OR10H1: variants seen among roughly 807,000 people sequenced by gnomAD.
OR10H1 encodes the protein olfactory receptor family 10 subfamily H member 1.
In OR10H1, 12 loss-of-function variants were observed where a neutral mutation model predicts 13.1. The observed-to-expected ratio is 0.92, with a 90% confidence interval of 0.59 to 1.48. The LOEUF is 1.48. Ranked by LOEUF, OR10H1 falls within the 40% of genes most tolerant of loss-of-function variation. The pLI, the probability that OR10H1 is intolerant of heterozygous loss-of-function variation, is 0.00. For missense variants in OR10H1, 363 were observed against 413.1 expected, an observed-to-expected ratio of 0.88 and a Z score of 1.05; for synonymous variants, 168 against 175.6, an observed-to-expected ratio of 0.96 and a Z score of 0.34.
At chr19:15,814,866 T>C (rs79520049) in intron 1 of OR10H1, among the ~76,000 whole-genome samples, 1,600 of 152,236 alleles carry the variant, frequency 0.011, 21 homozygotes, top group African/African-American at 0.036. Context: ...ATCCTCTTTC[T>C]CTCTTTTCTC....
At chr19:15,809,522 C>G (rs1342284927) in intron 2 of OR10H1, among the ~76,000 whole-genome samples, 2 of 151,834 alleles carry the variant, frequency 1.3e-5, no homozygotes, top group African/African-American at 2.4e-5. Context: ...GGAACTCCAC[C>G]CCTCAAGTCA....
Position 15,805,145 on chromosome 19 carries a change from G to A in OR10H1, c.*1936C>T, listed in dbSNP as rs1417632219. On this transcript the variant is annotated 3_prime_UTR_variant, in exon 4 of 4. Coordinates refer to ENST00000641419, the MANE Select transcript of OR10H1 (RefSeq NM_013940.4). ...TAGCCCTTTGTCAGATGAGTAGATTGCAAAAATTTTCTCCCATTCTGTAGG... is the reference window on the plus strand; with the variant it reads ...TAGCCCTTTGTCAGATGAGTAGATTACAAAAATTTTCTCCCATTCTGTAGG... The A allele has an allele frequency of 6.6e-6, 1 of 151,814 alleles. No individual in the cohort carries two copies. Among genetic ancestry groups the A allele is most frequent in the East Asian group, 1.9e-4 (1 of 5,154 alleles). The allele number at this position is 151,814 out of a possible 1,614,324, so 9.4% of individuals were successfully genotyped here. A position where few individuals can be genotyped will look rare whatever the true frequency, so the allele number is the denominator to read the frequency against.
Position 15,808,807 on chromosome 19 carries a change from G to T in OR10H1, c.-94C>A, listed in dbSNP as rs900859959. The T allele has an allele frequency of 6.6e-6, 1 of 151,890 alleles. No individual in the cohort carries two copies. The highest frequency in any genetic ancestry group is 1.5e-5 in the Non-Finnish European group (1 of 68,008). The allele number at this position is 151,890 out of a possible 1,614,324, so 9.4% of individuals were successfully genotyped here. On this transcript the variant is annotated 5_prime_UTR_variant, in exon 3 of 4. Transcript: ENST00000641419. ...GGAGGTTGCAGTAAGCCGAGATGGC[G>T]CCACTGGACTCCACCCTGGCGACAG...
In OR10H1 at chr19:15,807,799, C is replaced by T. The variant is rs61746479; in HGVS notation, c.239G>A (p.Arg80His). 8 of 1,606,252 alleles carry T rather than the reference C, an allele frequency of 5.0e-6. No individual in the cohort carries two copies. Among genetic ancestry groups the T allele is most frequent in the Admixed American group, 3.3e-5 (2 of 59,702 alleles). The change falls in exon 4 of 4, where the codon CGC (arginine) becomes CAC (histidine). Residue 80 changes from arginine (R) to histidine (H), a missense_variant. Transcript: ENST00000641419. ...GGTGGACAGCAGGTCGGCCAGCATG[C>T]GCGGGATGATGGCCACGGTGTAGAG... ...EILYTVAIIPRMLADLLSTQR... is the reference protein window; with the variant it reads ...EILYTVAIIPHMLADLLSTQR...
chr19:15,813,652 G>A (rs1187559849), intron 1 of OR10H1, among the ~76,000 whole-genome samples: 6 of 145,684 alleles, frequency 4.1e-5, no homozygotes, highest in Non-Finnish European at 7.6e-5. Flanking sequence ...AGAGAGAAGT[G>A]GGGAGATAGA....
At chr19:15,813,212 T>G (rs2144945387) in intron 1 of OR10H1, among the ~76,000 whole-genome samples, 1 of 151,808 alleles carries the variant, frequency 6.6e-6, no homozygotes, top group South Asian at 2.1e-4. Flanking sequence ...AGAGAGGGTA[T>G]ATGGAGATTC....
At chr19:15,808,228 A>C in intron 3 of OR10H1, 180 bp from the exon 4 acceptor site, 2 of 593,034 alleles carry the variant, frequency 3.4e-6, no homozygotes, top group Non-Finnish European at 5.9e-6. Context: ...TATTTTTTCA[A>C]CCCCCTTTTG....
chr19:15,815,106 C>T (rs956413367), intron 1 of OR10H1, among the ~76,000 whole-genome samples: 10 of 152,132 alleles, frequency 6.6e-5, no homozygotes, highest in Non-Finnish European at 1.2e-4. Flanking sequence ...TTTGGGAAGC[C>T]GAGGCGGGTG....
rs1361222533 is a variant in OR10H1 at position 15,806,709 on chromosome 19, GA to G, written c.*371del. On this transcript the variant is annotated 3_prime_UTR_variant, in exon 4 of 4. Coordinates refer to ENST00000641419, the MANE Select transcript of OR10H1 (RefSeq NM_013940.4). ...AAGTGTGAGCCACAGTGCTTGGCTG[GA>G]ACGTAATTTTCTTTTTTTCTTTCTT... 5.0e-6 allele frequency: 1 copy of G among 201,246 alleles called. No individual in the cohort carries two copies. Among genetic ancestry groups the G allele is most frequent in the East Asian group, 1.3e-4 (1 of 7,544 alleles). The allele number at this position is 201,246 out of a possible 1,614,324, so 12.5% of individuals were successfully genotyped here. A position where few individuals can be genotyped will look rare whatever the true frequency, so the allele number is the denominator to read the frequency against.
rs772886217 is a variant in OR10H1 at position 15,807,123 on chromosome 19, G to C, written c.915C>G (p.Thr305=). The C allele has an allele frequency of 8.1e-6, 13 of 1,613,886 alleles. No individual in the cohort carries two copies. The highest frequency in any genetic ancestry group is 1.7e-6 in the Non-Finnish European group (2 of 1,179,974). ...TTTCTGGGTAGAGTTTACTGAAGAA[G>C]GTCTTCTTCATGGCGACCTTCAGCT... The part of the protein sequence containing the change: ...NKELKVAMKK[T]FFSKLYPEKN... The change falls in exon 4 of 4, where the codon ACC becomes ACG. Residue 305 remains threonine (T), a synonymous_variant. Transcript: ENST00000641419.
rs2088893956 is a variant in OR10H1 at position 15,806,054 on chromosome 19, GC to G, written c.*1026del. The stretch of plus-strand genomic sequence containing the variant: ...CTCTCCTCTGCTATAATCTGGAGTA[GC>G]CTTACAAAATCTGAGTTGTAGCTAC... On this transcript the variant is annotated 3_prime_UTR_variant, in exon 4 of 4. Coordinates refer to ENST00000641419, the MANE Select transcript of OR10H1 (RefSeq NM_013940.4). 2 of 152,146 alleles carry G rather than the reference GC, an allele frequency of 1.3e-5. No homozygotes were observed. The highest frequency in any genetic ancestry group is 2.9e-5 in the Non-Finnish European group (2 of 68,036). The allele number at this position is 152,146 out of a possible 1,614,324, so 9.4% of individuals were successfully genotyped here.
rs1449869581 is a variant in OR10H1 at position 15,807,348 on chromosome 19, A to G, written c.690T>C (p.Pro230=). ...AGGCCTTGTTCCGACCTTCAGCAGA[A>G]GGGATCTTCAAGATGGCGGCCACGA... ...AFIVAAILKI[P]SAEGRNKAFS... The change falls in exon 4 of 4, where the codon CCT becomes CCC. Residue 230 remains proline (P), a synonymous_variant. Coordinates refer to ENST00000641419, the MANE Select transcript of OR10H1 (RefSeq NM_013940.4). 1.2e-6 allele frequency: 2 copies of G among 1,613,910 alleles called. No individual in the cohort carries two copies. Among genetic ancestry groups the G allele is most frequent in the Non-Finnish European group, 1.7e-6 (2 of 1,179,896 alleles).
chr19:15,809,772 A>G (rs2088922723), intron 2 of OR10H1, among the ~76,000 whole-genome samples: 1 of 152,150 alleles, frequency 6.6e-6, no homozygotes, highest in Non-Finnish European at 1.5e-5. Flanking sequence ...CTTTAATTTC[A>G]TGAGATTTCT....
At position 15,807,428 on chromosome 19, in the gene OR10H1, A is replaced by G. The variant is rs144349437; in HGVS notation, c.610T>C (p.Cys204Arg). ...AAACAGCCCAGCAGGGCCGTGATAC[A>G]CACCAAGCCCACGCCTTTGGCCACC... Reference protein sequence around the residue: ...LVVAKGVGLVCITALLGCFLL... With the variant: ...LVVAKGVGLVRITALLGCFLL... The change falls in exon 4 of 4, where the codon TGT (cysteine) becomes CGT (arginine). Residue 204 changes from cysteine to arginine, a missense_variant. Around this residue, in one of 3 missense-constraint regions of OR10H1, gnomAD observed 318 missense variants for 366.6 expected, o/e 0.87. Transcript: ENST00000641419. The G allele has an allele frequency of 6.4e-7, 1 of 1,569,140 alleles. No individual in the cohort carries two copies. The highest frequency in any genetic ancestry group is 8.8e-7 in the Non-Finnish European group (1 of 1,140,614).
rs1432929488 is a variant in OR10H1 at position 15,809,902 on chromosome 19, G to A, written c.-128-1061C>T. ...ATTATCATAGCTCACTGCAGCCTTC[G>A]GCTCCTGGGCTTAAGCGATCTTCCC... On this transcript the variant is annotated intron_variant, in intron 2 of 3. Coordinates refer to ENST00000641419, the MANE Select transcript of OR10H1 (RefSeq NM_013940.4). Among the ~76,000 whole-genome samples the A allele has an allele frequency of 6.6e-5, 10 of 151,804 alleles. No homozygotes were observed. In the East Asian group the frequency reaches 1.6e-3, roughly 24 times the overall value.
chr19:15,811,369 G>A (rs941925440), intron 2 of OR10H1, among the ~76,000 whole-genome samples: 3 of 152,034 alleles, frequency 2.0e-5, no homozygotes, highest in African/African-American at 7.2e-5. Flanking sequence ...CTCAACCTTG[G>A]GACTGTTGAT....
intron 1 of OR10H1, among the ~76,000 whole-genome samples, chr19:15,814,088 G>A (rs2088949907): frequency 6.6e-6 from 1 of 151,926 alleles, no homozygotes; most frequent in African/African-American, 2.4e-5. Flanking sequence ...GGACGCTAGG[G>A]GCGAATCATT....
In OR10H1 at chr19:15,804,931, A is replaced by G. The variant is rs368609479; in HGVS notation, c.*2150T>C. On this transcript the variant is annotated 3_prime_UTR_variant, in exon 4 of 4. Coordinates refer to ENST00000641419, the MANE Select transcript of OR10H1 (RefSeq NM_013940.4). Reference sequence around the variant, plus strand: ...TTGCCATTCTAACTGGTGTGAGATGATATCTCATTGTGGTTTCCATTTGCA... The same window carrying G: ...TTGCCATTCTAACTGGTGTGAGATGGTATCTCATTGTGGTTTCCATTTGCA... 2.0e-5 allele frequency: 3 copies of G among 152,120 alleles called. No homozygotes were observed. The highest frequency in any genetic ancestry group is 4.8e-5 in the African/African-American group (2 of 41,436). 9.4% of individuals were successfully genotyped at this position (152,120 alleles called of 1,614,324 possible). A position where few individuals can be genotyped will look rare whatever the true frequency, so the allele number is the denominator to read the frequency against.
chr19:15,807,538 G>A lies in OR10H1; in HGVS notation c.500C>T (p.Ala167Val). Residue 167 changes from alanine to valine, a missense_variant, in exon 4 of 4, where the codon GCC (alanine) becomes GTC (valine). Ala to Val is a moderately conservative substitution (Grantham distance 64). Around this residue, in one of 3 missense-constraint regions of OR10H1, gnomAD observed 318 missense variants for 366.6 expected, o/e 0.87. Coordinates refer to ENST00000641419, the MANE Select transcript of OR10H1 (RefSeq NM_013940.4). ...GTGGATCTCCTTGTGTCCACAGAAG[G>A]CGAGGTGGAAAATGGCCGAGGTCAC... Reference protein sequence around the residue: ...MVVTSAIFHLAFCGHKEIHHF... With the variant: ...MVVTSAIFHLVFCGHKEIHHF... 1 of 1,614,220 alleles carries A rather than the reference G, an allele frequency of 6.2e-7. No homozygotes were observed. Among genetic ancestry groups the A allele is most frequent in the Non-Finnish European group, 8.5e-7 (1 of 1,180,050 alleles).
Sources: allele counts gnomAD v4.1 joint callset (sites outside exome capture counted in the v4.1 genomes callset), GRCh38; gene constraint gnomAD v4.1.1; regional missense constraint gnomAD v4.1.1; transcripts MANE v1.5; gene names NCBI Gene and HGNC (gene_info 2026-07-23, HGNC 2026-07-21).